The following USP48 variants were observed in gnomAD, a reference collection of about 807,000 sequenced individuals.
The protein encoded by USP48 is ubiquitin specific peptidase 48.
In USP48, 43 loss-of-function variants were observed where a neutral mutation model predicts 150.7. The ratio of observed to expected loss-of-function variants is 0.29; its 90% confidence interval spans 0.22 to 0.37. USP48 has a LOEUF of 0.37. Ranked by LOEUF, USP48 falls within the 10% of genes least tolerant of loss-of-function variation. The pLI, the probability that USP48 is intolerant of heterozygous loss-of-function variation, is 1.00. For synonymous variants in USP48, 396 were observed against 425.9 expected, an observed-to-expected ratio of 0.93 and a Z score of 0.86; for missense variants, 813 against 1,249.6, an observed-to-expected ratio of 0.65 and a Z score of 5.27.
chr1:21,738,681 G>A (rs934610034), intron 8 of USP48, among the ~76,000 whole-genome samples: 1 of 151,672 alleles, frequency 6.6e-6, no homozygotes, highest in Non-Finnish European at 1.5e-5. Flanking sequence ...TATAGACAGG[G>A]TCTCATTGTC....
chr1:21,750,553 C>G (rs2097808103), intron 6 of USP48, among the ~76,000 whole-genome samples: 1 of 152,144 alleles, frequency 6.6e-6, no homozygotes, highest in Non-Finnish European at 1.5e-5. Flanking sequence ...ACAGCTGAAA[C>G]ACTGCCTGAC....
chr1:21,783,036 T>G lies in USP48; in HGVS notation c.-79A>C, dbSNP rs1313399586. ...GTCTGCACCGCCGCCCCAATGGGCT[T>G]CGCCACCTGCCAGCAAGGAGGACCT... On this transcript the variant is annotated 5_prime_UTR_variant, in exon 1 of 27. Transcript: ENST00000308271. 107 of 1,413,680 alleles carry G rather than the reference T, an allele frequency of 7.6e-5. No homozygotes were observed. The highest frequency in any genetic ancestry group is 9.5e-5 in the Non-Finnish European group (104 of 1,094,014). 87.6% of individuals were successfully genotyped at this position (1,413,680 alleles called of 1,614,324 possible).
chr1:21,772,447 C>T (rs10917041), intron 1 of USP48, among the ~76,000 whole-genome samples: 23,604 of 151,554 alleles, frequency 0.16, 2,591 homozygotes, highest in East Asian at 0.38. Flanking sequence ...CACAGTGAAA[C>T]CCCGTCTCTA....
At chr1:21,772,273 A>G (rs188621684) in intron 1 of USP48, among the ~76,000 whole-genome samples, 159 of 152,264 alleles carry the variant, frequency 1.0e-3, no homozygotes, top group African/African-American at 3.6e-3. Context: ...CCAAAAGGAA[A>G]AAAAGCCCAC....
intron 22 of USP48, among the ~76,000 whole-genome samples, chr1:21,700,843 G>A (rs1338517897): frequency 6.6e-6 from 1 of 152,134 alleles, no homozygotes; most frequent in African/African-American, 2.4e-5. Flanking sequence ...GAAGGCCAAG[G>A]CGGGAGGATC....
chr1:21,782,855 A>C lies in USP48; in HGVS notation c.103T>G (p.Trp35Gly). 1 of 1,560,600 alleles carries C rather than the reference A, an allele frequency of 6.4e-7. No homozygotes were observed. Among genetic ancestry groups the C allele is most frequent in the Non-Finnish European group, 8.7e-7 (1 of 1,154,048 alleles). Residue 35 changes from tryptophan (W) to glycine (G), a missense_variant, in exon 1 of 27, where the codon TGG (tryptophan) becomes GGG (glycine). Physicochemically the swap from Trp to Gly is radical, Grantham distance 184 (BLOSUM62 -2). Coordinates refer to ENST00000308271, the MANE Select transcript of USP48 (RefSeq NM_032236.8). ...ACGCCGCGAATGCAGGGCTCCAGCCAGATGCGGTAAGCGGTCTCGATGTGC... is the reference window on the plus strand; with the variant it reads ...ACGCCGCGAATGCAGGGCTCCAGCCCGATGCGGTAAGCGGTCTCGATGTGC... ...QEHIETAYRI[W>G]LEPCIRGVCR...
intron 1 of USP48, among the ~76,000 whole-genome samples, chr1:21,771,774 C>T (rs1446752056): frequency 7.1e-6 from 1 of 140,826 alleles, no homozygotes. Context: ...ACAAAATTAG[C>T]CGGGCGTGGT....
intron 1 of USP48, among the ~76,000 whole-genome samples, chr1:21,765,073 CAAT>C (rs767921649): frequency 6.6e-6 from 1 of 152,150 alleles, no homozygotes; most frequent in South Asian, 2.1e-4. Context: ...TAAATGACAA[CAAT>C]GTTTTTGTTT....
chr1:21,768,680 C>A (rs1208595298), intron 1 of USP48: 1 of 151,546 alleles, frequency 6.6e-6, no homozygotes, highest in Non-Finnish European at 1.5e-5. Context: ...CCCCACCCCC[C>A]CTTTCCTTCT....
intron 1 of USP48, among the ~76,000 whole-genome samples, chr1:21,761,469 A>G (rs1361789025): frequency 6.6e-6 from 1 of 150,798 alleles, no homozygotes; most frequent in Non-Finnish European, 1.5e-5. Context: ...GGGTCTTGCC[A>G]TGTTGCCCCA....
At chr1:21,680,568 A>G (rs1181968477) in intron 26 of USP48, among the ~76,000 whole-genome samples, 1 of 152,254 alleles carries the variant, frequency 6.6e-6, no homozygotes, top group African/African-American at 2.4e-5. Flanking sequence ...GGAAGGCCAA[A>G]TGGACATCTG....
chr1:21,751,635 CA>C lies in USP48; in HGVS notation c.666-21del. ...TTGCAACTATAATAAAACAGAACGACAAAATTCAGATCAGAGTGTGAAAAGC... is the reference window on the plus strand; with the variant it reads ...TTGCAACTATAATAAAACAGAACGACAAATTCAGATCAGAGTGTGAAAAGC... On this transcript the variant is annotated intron_variant, in intron 5 of 26. Transcript: ENST00000308271. The C allele has an allele frequency of 1.3e-6, 2 of 1,583,232 alleles. No individual in the cohort carries two copies. The highest frequency in any genetic ancestry group is 8.7e-7 in the Non-Finnish European group (1 of 1,152,628).
chr1:21,693,975 T>C (rs151032430), intron 23 of USP48, among the ~76,000 whole-genome samples: 5 of 152,296 alleles, frequency 3.3e-5, no homozygotes, highest in East Asian at 1.9e-4. Context: ...AGGAGGAAAT[T>C]TGGTCAACTT....
chr1:21,703,649 A>C, intron 20 of USP48, 31 bp from the exon 21 acceptor site: 2 of 1,482,256 alleles, frequency 1.3e-6, no homozygotes, highest in Non-Finnish European at 1.8e-6. Flanking sequence ...GGGAAAACAG[A>C]AGTGGCTGAG....
chr1:21,735,976 G>T (rs904657151), intron 9 of USP48, among the ~76,000 whole-genome samples: 4 of 152,100 alleles, frequency 2.6e-5, no homozygotes, highest in African/African-American at 9.7e-5. Flanking sequence ...TCAGGAGGCT[G>T]AGGCACGAGA....
At chr1:21,760,647 G>T (rs758614097) in intron 1 of USP48, among the ~76,000 whole-genome samples, 7 of 151,890 alleles carry the variant, frequency 4.6e-5, no homozygotes, top group Non-Finnish European at 8.8e-5. Context: ...ACTGGAAGGC[G>T]GGAGGGTGCA....
At chr1:21,768,431 A>T (rs556620789) in intron 1 of USP48, 6 of 152,818 alleles carry the variant, frequency 3.9e-5, no homozygotes, top group African/African-American at 1.4e-4. Context: ...ACAGAACCAC[A>T]AGGACGCTGG....
At chr1:21,707,055 A>G in intron 15 of USP48, 187 bp from the exon 16 acceptor site, 1 of 745,812 alleles carries the variant, frequency 1.3e-6, no homozygotes, top group Non-Finnish European at 2.1e-6. Flanking sequence ...TTTTAATTCT[A>G]AAGGAGGTAG....
chr1:21,739,798 C>T (rs766445799), intron 8 of USP48, among the ~76,000 whole-genome samples: 5 of 152,222 alleles, frequency 3.3e-5, no homozygotes, highest in Non-Finnish European at 7.3e-5. Context: ...CATTCCTCAT[C>T]GCCTCTGCCA....
Sources: allele counts gnomAD v4.1 joint callset (sites outside exome capture counted in the v4.1 genomes callset), GRCh38; gene constraint gnomAD v4.1.1; transcripts MANE v1.5; gene names NCBI Gene and HGNC (gene_info 2026-07-23, HGNC 2026-07-21).